The following DOCK2 variants were observed in gnomAD, a reference collection of about 807,000 sequenced individuals.
The protein encoded by DOCK2 is dedicator of cytokinesis protein 2.
In DOCK2, 87 loss-of-function variants were observed where a neutral mutation model predicts 248.9. The observed-to-expected ratio is 0.35, with a 90% CI of 0.29 to 0.42. The LOEUF (loss-of-function observed/expected upper bound fraction) is 0.42, where lower values mean the gene tolerates loss of function less well. Ranked by LOEUF, DOCK2 falls within the 10% of genes least tolerant of loss-of-function variation. The probability of loss-of-function intolerance (pLI) is 1.00; values close to 1 mark genes in which losing one functional copy is unlikely to be tolerated. For synonymous variants in DOCK2, 805 were observed against 821.6 expected (o/e 0.98, Z 0.35); for missense variants, 1,747 against 2,300.2 (o/e 0.76, Z 4.92).
chr5:170,039,613 C>A (rs1356138121), intron 36 of DOCK2, among the ~76,000 whole-genome samples: 1 of 152,240 alleles, frequency 6.6e-6, no homozygotes, highest in Non-Finnish European at 1.5e-5. Context: ...CTTTGGCGGT[C>A]CCTGCCCTGA....
chr5:170,067,378 A>G (rs1757529261), intron 44 of DOCK2, 132 bp from the exon 45 acceptor site: 2 of 857,152 alleles, frequency 2.3e-6, no homozygotes, highest in South Asian at 2.0e-5. Context: ...TAATTACAAG[A>G]TCCTGTTACA....
intron 26 of DOCK2, among the ~76,000 whole-genome samples, chr5:169,840,282 G>A (rs1040677970): frequency 1.2e-4 from 18 of 152,156 alleles, no homozygotes; most frequent in African/African-American, 2.9e-4. Context: ...ACTCACTATC[G>A]TGATGACAGC....
intron 26 of DOCK2, among the ~76,000 whole-genome samples, chr5:169,813,056 C>A (rs929648148): frequency 1.3e-5 from 2 of 152,248 alleles, no homozygotes; most frequent in African/African-American, 2.4e-5. Context: ...GTCTTCCTGT[C>A]CTTTCAGGGG....
At chr5:169,864,635 A>G (rs1234702195) in intron 27 of DOCK2, among the ~76,000 whole-genome samples, 1 of 152,114 alleles carries the variant, frequency 6.6e-6, no homozygotes, top group Non-Finnish European at 1.5e-5. Context: ...CTGAACCTCT[A>G]GTTCTTCAGT....
intron 27 of DOCK2, among the ~76,000 whole-genome samples, chr5:169,900,662 TA>T (rs1773873181): frequency 2.6e-5 from 4 of 152,248 alleles, no homozygotes; most frequent in South Asian, 2.1e-4. Context: ...TTAGCAGTAT[TA>T]CATGCTTTGG....
intron 22 of DOCK2, among the ~76,000 whole-genome samples, chr5:169,737,171 T>A (rs1429148814): frequency 6.6e-6 from 1 of 151,832 alleles, no homozygotes; most frequent in Non-Finnish European, 1.5e-5. Flanking sequence ...GAATGATGAG[T>A]AGGAGTTGGC....
intron 29 of DOCK2, 115 bp downstream of exon 29, chr5:169,986,037 A>G: frequency 1.0e-6 from 1 of 962,108 alleles, no homozygotes; most frequent in South Asian, 2.2e-5. Context: ...TTAAAGTGTT[A>G]AGGCATGCTT....
intron 36 of DOCK2, among the ~76,000 whole-genome samples, chr5:170,037,705 C>T (rs915137866): frequency 6.6e-6 from 1 of 152,006 alleles, no homozygotes; most frequent in African/African-American, 2.4e-5. Flanking sequence ...AGGCTGGTCT[C>T]GAACTCCCAA....
chr5:169,806,759 A>G (rs1225850170), intron 26 of DOCK2, among the ~76,000 whole-genome samples: 1 of 152,058 alleles, frequency 6.6e-6, no homozygotes, highest in African/African-American at 2.4e-5. Context: ...TTCTGAGTCT[A>G]TAAAAGGCCC....
chr5:170,071,197 C>A (rs1757669135), intron 46 of DOCK2, among the ~76,000 whole-genome samples: 2 of 152,202 alleles, frequency 1.3e-5, no homozygotes, highest in South Asian at 4.1e-4. Context: ...AGCAGATTAG[C>A]TCTTCCCTAC....
At chr5:169,722,618 G>T (rs185274821) in intron 22 of DOCK2, among the ~76,000 whole-genome samples, 7 of 152,256 alleles carry the variant, frequency 4.6e-5, no homozygotes, top group Admixed American at 1.3e-4. Context: ...TCTATAAATG[G>T]GGATAAACCA....
intron 25 of DOCK2, among the ~76,000 whole-genome samples, chr5:169,800,940 C>CTTT (rs1411340779): frequency 3.2e-5 from 2 of 63,452 alleles, no homozygotes; most frequent in African/African-American, 2.2e-4. Flanking sequence ...TCTTTTCTTT[C>CTTT]TTTCTTTTTT....
At chr5:169,694,453 T>C (rs762070157) in intron 9 of DOCK2, among the ~76,000 whole-genome samples, 7 of 152,176 alleles carry the variant, frequency 4.6e-5, no homozygotes, top group Non-Finnish European at 8.8e-5. Context: ...TGTACTGTAG[T>C]AGCTATGTTT....
chr5:169,851,154 G>A (rs1478644465), intron 27 of DOCK2, among the ~76,000 whole-genome samples: 4 of 152,148 alleles, frequency 2.6e-5, no homozygotes, highest in Non-Finnish European at 5.9e-5. Flanking sequence ...TAAATTAATG[G>A]AAAGAACAAA....
chr5:170,041,128 C>T lies in DOCK2; in HGVS notation c.3739C>T (p.His1247Tyr). The T allele has an allele frequency of 6.2e-7, 1 of 1,614,132 alleles. No homozygotes were observed. Among genetic ancestry groups the T allele is most frequent in the Admixed American group, 1.7e-5 (1 of 60,024 alleles). The change falls in exon 37 of 52, where the codon CAC (histidine) becomes TAC (tyrosine). Residue 1247 changes from histidine to tyrosine, a missense_variant. This residue lies in a region of DOCK2 where 858 missense variants were observed against 1,183.5 expected (regional missense o/e 0.72). Transcript: ENST00000520908. ...AGAGGCTGCCTACACGCTCCTTCTC[C>T]ACACCTGGCTTCTCAAGGTACAGTC... ...YTEAAYTLLL[H>Y]TWLLKWSDEQ...
In DOCK2 at chr5:169,794,312, T is replaced by G. The variant is rs143191746; in HGVS notation, c.2555-8746T>G. Among the ~76,000 whole-genome samples the G allele has an allele frequency of 6.3e-3, 954 of 152,280 alleles. 7 individuals are homozygous for G. The highest frequency in any genetic ancestry group is 0.012 in the Admixed American group (184 of 15,302). On this transcript the variant is annotated intron_variant, in intron 25 of 51. Transcript: ENST00000520908. ...CTTCCCTCCACTTCCCCACTCCTCT[T>G]GCATATTTTTCTGGAACATCTCCTA... is the stretch of plus-strand genomic sequence containing the variant.
intron 22 of DOCK2, among the ~76,000 whole-genome samples, chr5:169,729,034 C>A (rs914856260): frequency 1.3e-5 from 2 of 152,176 alleles, no homozygotes; most frequent in Non-Finnish European, 2.9e-5. Flanking sequence ...TGAACCCTTG[C>A]CTGAGAGCAA....
chr5:169,941,975 T>C lies in DOCK2; in HGVS notation c.2800-41093T>C, dbSNP rs372882489. Among the ~76,000 whole-genome samples the C allele has an allele frequency of 1.1e-4, 16 of 152,354 alleles. No individual in the cohort carries two copies. The South Asian group carries it at 3.1e-3, about 30-fold the overall frequency. On this transcript the variant is annotated intron_variant, in intron 27 of 51. Transcript: ENST00000520908. Reference sequence around the variant, plus strand: ...ACACCATTCAGAAGTAAAACTGTATTATATCATTTCAGTTTCACATCTGTT... The same window carrying C: ...ACACCATTCAGAAGTAAAACTGTATCATATCATTTCAGTTTCACATCTGTT...
chr5:170,034,434 C>A lies in DOCK2; in HGVS notation c.3503C>A (p.Ala1168Asp). Residue 1168 changes from alanine (A) to aspartate (D), a missense_variant, in exon 35 of 52, where the codon GCC becomes GAC. Transcript: ENST00000520908. Reference sequence around the variant, plus strand: ...TGTGCTGCAGAGCACCCAACCATTGCCAAGTCGGTGGAGAACTTCGTGAAC... The same window carrying A: ...TGTGCTGCAGAGCACCCAACCATTGACAAGTCGGTGGAGAACTTCGTGAAC... ...MECAAEHPTI[A>D]KSVENFVNLV... The A allele has an allele frequency of 6.2e-7, 1 of 1,614,116 alleles. No individual in the cohort carries two copies. The highest frequency in any genetic ancestry group is 8.5e-7 in the Non-Finnish European group (1 of 1,180,002).
Sources: allele counts gnomAD v4.1 joint callset (sites outside exome capture counted in the v4.1 genomes callset), GRCh38; gene constraint gnomAD v4.1.1; regional missense constraint gnomAD v4.1.1; transcripts MANE v1.5; gene names NCBI Gene and HGNC (gene_info 2026-07-23, HGNC 2026-07-21).